The following ROBO2 variants were observed in gnomAD, a reference collection of about 807,000 sequenced individuals.
The protein encoded by ROBO2 is roundabout guidance receptor 2, also known as roundabout homolog 2.
In ROBO2, 53 loss-of-function variants were observed where a neutral mutation model predicts 160.8. The observed-to-expected ratio is 0.33, with a 90% CI of 0.26 to 0.41. The LOEUF is 0.41. Among genes scored for constraint, ROBO2 ranks in the 10% least tolerant of loss-of-function variants. The probability of loss-of-function intolerance (pLI) is 1.00; values close to 1 mark genes in which losing one functional copy is unlikely to be tolerated. For synonymous variants in ROBO2, 664 were observed against 611.7 expected (o/e 1.09, Z -1.26); for missense variants, 1,577 against 1,722.4 (o/e 0.92, Z 1.49).
chr3:77,432,377 G>A (rs531583464), intron 2 of ROBO2, among the ~76,000 whole-genome samples: 22 of 152,118 alleles, frequency 1.4e-4, no homozygotes, highest in Admixed American at 9.8e-4. Context: ...ACTATTGTTC[G>A]CAATGGGGCA....
chr3:76,746,174 T>A (rs2093888104), intron 2 of ROBO2, among the ~76,000 whole-genome samples: 1 of 152,118 alleles, frequency 6.6e-6, no homozygotes, highest in East Asian at 1.9e-4. Context: ...CATCCTTTTT[T>A]ATGGCTGCAT....
chr3:77,308,799 T>C (rs890103347), intron 2 of ROBO2, among the ~76,000 whole-genome samples: 3 of 152,186 alleles, frequency 2.0e-5, no homozygotes, highest in African/African-American at 7.2e-5. Flanking sequence ...TCTTAGAGAA[T>C]TGTATTTCTC....
intron 2 of ROBO2, among the ~76,000 whole-genome samples, chr3:77,390,230 T>C (rs2074576260): frequency 1.3e-5 from 2 of 152,132 alleles, no homozygotes; most frequent in African/African-American, 2.4e-5. Flanking sequence ...AACCTGTAAA[T>C]TGGTTACTCT....
At chr3:76,905,704 A>G (rs546587968) in intron 2 of ROBO2, among the ~76,000 whole-genome samples, 1 of 152,318 alleles carries the variant, frequency 6.6e-6, no homozygotes, top group African/African-American at 2.4e-5. Context: ...AACCCAAAAT[A>G]TAATGAGAAT....
intron 1 of ROBO2, among the ~76,000 whole-genome samples, chr3:77,085,868 A>G (rs1447051070): frequency 6.6e-6 from 1 of 152,094 alleles, no homozygotes; most frequent in Non-Finnish European, 1.5e-5. Context: ...ATCTCTTGAA[A>G]CTACTGGTAA....
intron 1 of ROBO2, among the ~76,000 whole-genome samples, chr3:77,069,016 A>G (rs994336683): frequency 1.3e-5 from 2 of 152,190 alleles, no homozygotes; most frequent in African/African-American, 4.8e-5. Context: ...GCCACGCTCA[A>G]TTGTTTAAGC....
chr3:77,289,296 G>A (rs1268834420), intron 2 of ROBO2, among the ~76,000 whole-genome samples: 1 of 152,104 alleles, frequency 6.6e-6, no homozygotes, highest in Non-Finnish European at 1.5e-5. Context: ...AAAATTGACG[G>A]TTAAATGGGT....
intron 2 of ROBO2, among the ~76,000 whole-genome samples, chr3:76,722,427 T>C (rs77657222): frequency 6.6e-6 from 1 of 152,154 alleles, no homozygotes; most frequent in Non-Finnish European, 1.5e-5. Context: ...GCCAAAACTT[T>C]GTATTTTTTA....
chr3:76,746,726 G>A (rs1056539061), intron 2 of ROBO2, among the ~76,000 whole-genome samples: 6 of 152,084 alleles, frequency 3.9e-5, no homozygotes, highest in African/African-American at 1.4e-4. Flanking sequence ...TGCCACGGTG[G>A]TTTGCTGCAC....
intron 2 of ROBO2, among the ~76,000 whole-genome samples, chr3:75,970,483 A>G (rs1009583646): frequency 1.3e-4 from 20 of 151,684 alleles, no homozygotes; most frequent in African/African-American, 4.8e-4. Flanking sequence ...CAGAGGGTTA[A>G]TTCCAGATAA....
At chr3:76,727,197 G>C (rs1274777621) in intron 2 of ROBO2, among the ~76,000 whole-genome samples, 3 of 152,018 alleles carry the variant, frequency 2.0e-5, no homozygotes, top group African/African-American at 7.2e-5. Flanking sequence ...ATGATGTTTT[G>C]GCTGCTAGAC....
chr3:76,646,258 G>C (rs758314206), intron 2 of ROBO2, among the ~76,000 whole-genome samples: 60 of 152,274 alleles, frequency 3.9e-4, no homozygotes, highest in South Asian at 1.0e-3. Context: ...AAGTGGAAAG[G>C]ATTTCTTGTC....
intron 2 of ROBO2, among the ~76,000 whole-genome samples, chr3:76,010,242 A>G (rs1367000406): frequency 6.6e-6 from 1 of 152,122 alleles, no homozygotes; most frequent in Non-Finnish European, 1.5e-5. Flanking sequence ...TATGATAAGG[A>G]CTCCTGGCTA....
chr3:76,749,790 G>T (rs2093950806), intron 2 of ROBO2, among the ~76,000 whole-genome samples: 1 of 151,986 alleles, frequency 6.6e-6, no homozygotes, highest in African/African-American at 2.4e-5. Context: ...GTTGATAAGG[G>T]ATAGGTAGGG....
chr3:76,592,402 G>A (rs1186730303), intron 2 of ROBO2, among the ~76,000 whole-genome samples: 3 of 151,966 alleles, frequency 2.0e-5, no homozygotes, highest in Admixed American at 6.6e-5. Context: ...CAAAAACAAC[G>A]TCAAAATAAA....
rs145043969 is a variant in ROBO2 at position 75,971,087 on chromosome 3, G to T, written c.109+33485G>T. Among the ~76,000 whole-genome samples the T allele has an allele frequency of 1.8e-4, 27 of 151,166 alleles. No homozygotes were observed. In the East Asian group the frequency reaches 4.9e-3, roughly 27 times the overall value. ...TTTACTTTTTTTCTTCATCAAAGTT[G>T]TGTATCCCTATATTTCTAATGTTTA... On this transcript the variant is annotated intron_variant, in intron 2 of 26. Transcript: ENST00000487694.
At chr3:76,948,659 T>G (rs2078722169) in intron 2 of ROBO2, among the ~76,000 whole-genome samples, 1 of 145,190 alleles carries the variant, frequency 6.9e-6, no homozygotes, top group African/African-American at 2.5e-5. Flanking sequence ...CCCTTTTTAG[T>G]TGTACTTAAT....
chr3:76,345,720 A>C (rs1465400731), intron 2 of ROBO2, among the ~76,000 whole-genome samples: 1 of 151,954 alleles, frequency 6.6e-6, no homozygotes, highest in Non-Finnish European at 1.5e-5. Flanking sequence ...AGCCTAAGAG[A>C]CCATCACAGA....
intron 2 of ROBO2, among the ~76,000 whole-genome samples, chr3:77,178,593 A>T (rs769321586): frequency 6.6e-6 from 1 of 152,106 alleles, no homozygotes; most frequent in Non-Finnish European, 1.5e-5. Context: ...AGAACATTTT[A>T]AAAAATGTTA....
Sources: gnomAD v4.1 joint callset for allele counts (sites outside exome capture counted in the v4.1 genomes callset) on GRCh38, gnomAD v4.1.1 for gene constraint, MANE v1.5 for transcripts, NCBI Gene and HGNC (gene_info 2026-07-23, HGNC 2026-07-21) for gene names.